The following KIAA0586 variants were observed in gnomAD, a reference collection of about 807,000 sequenced individuals.
The protein encoded by KIAA0586 is KIAA0586.
In KIAA0586, 144 loss-of-function variants were observed where a neutral mutation model predicts 169.8. The observed-to-expected ratio is 0.85, with a 90% confidence interval of 0.74 to 0.97. The LOEUF is 0.97. KIAA0586 is among the 50% of genes least tolerant of loss of function. The pLI, the probability that KIAA0586 is intolerant of heterozygous loss-of-function variation, is 0.00. For missense variants in KIAA0586, 1,854 were observed against 1,823.0 expected (o/e 1.02, Z -0.31); for synonymous variants, 625 against 612.4 (o/e 1.02, Z -0.30).
chr14:58,427,407 T>C (rs1566760506), upstream of KIAA0586: 2 of 568,892 alleles, frequency 3.5e-6, no homozygotes, highest in East Asian at 3.0e-5. Flanking sequence ...CCCACGTCCC[T>C]AACGGTCTTC....
intron 30 of KIAA0586, among the ~76,000 whole-genome samples, chr14:58,544,252 C>T (rs1207919405): frequency 6.6e-6 from 1 of 152,114 alleles, no homozygotes; most frequent in African/African-American, 2.4e-5. Context: ...ACCACAGTTT[C>T]TTTATCCAAT....
rs974182694 is a variant in KIAA0586, at chr14:58,550,704, C to T, written c.*2772C>T. The T allele has an allele frequency of 6.6e-6, 1 of 151,872 alleles. No homozygotes were observed. Among genetic ancestry groups the T allele is most frequent in the South Asian group, 2.1e-4 (1 of 4,802 alleles). 9.4% of individuals were successfully genotyped at this position (151,872 alleles called of 1,614,324 possible). ...AAAAAATTAGCTGGTCATGGTTGCA[C>T]ACACCTGTAGCCCCAGCTACTCAAG... On this transcript the variant is annotated 3_prime_UTR_variant, in exon 31 of 31. Transcript: ENST00000652326.
chr14:58,518,611 C>A lies in KIAA0586; in HGVS notation c.4429+5984C>A, dbSNP rs185259313. Reference sequence around the variant, plus strand: ...TAACTCAGTAAACATTAATTGAGGGCCCTCCACACTCTACGCTACTAAGCT... The same window carrying A: ...TAACTCAGTAAACATTAATTGAGGGACCTCCACACTCTACGCTACTAAGCT... On this transcript the variant is annotated intron_variant, in intron 29 of 30. Transcript: ENST00000652326. Among the ~76,000 whole-genome samples, 4 of 152,212 alleles carry A rather than the reference C, an allele frequency of 2.6e-5. No homozygotes were observed. In the South Asian group the frequency reaches 6.2e-4, roughly 24 times the overall value.
In KIAA0586 at chr14:58,428,461, G is replaced by C. The variant is rs754893103; in HGVS notation, c.197G>C (p.Arg66Pro). 2 of 1,597,900 alleles carry C rather than the reference G, an allele frequency of 1.3e-6. No individual in the cohort carries two copies. The highest frequency in any genetic ancestry group is 1.3e-5 in the African/African-American group (1 of 74,596). The part of the protein sequence containing the change: ...GTGTSLNGTS[R>P]GSSDLTSARN... ...GGGACTAGTTTGAATGGAACATCAC[G>C]TGGTATGTGATTCCATGTAGTTTTT... is the stretch of plus-strand genomic sequence containing the variant. Residue 66 changes from arginine (R) to proline (P), a missense_variant and splice_region_variant, in exon 1 of 31, where the codon CGT (arginine) becomes CCT (proline). Coordinates refer to ENST00000652326, the MANE Select transcript of KIAA0586 (RefSeq NM_001329943.3).
At chr14:58,464,907 C>T (rs1276047661) in intron 14 of KIAA0586, among the ~76,000 whole-genome samples, 2 of 152,046 alleles carry the variant, frequency 1.3e-5, no homozygotes, top group Non-Finnish European at 2.9e-5. Flanking sequence ...GAACAGCGTA[C>T]ATTGTAAAAC....
chr14:58,507,671 G>A (rs1045476008), intron 27 of KIAA0586, among the ~76,000 whole-genome samples: 27 of 152,094 alleles, frequency 1.8e-4, no homozygotes, highest in Non-Finnish European at 1.8e-4. Flanking sequence ...ACTCATATAT[G>A]AAAGTGCTTG....
intron 5 of KIAA0586, among the ~76,000 whole-genome samples, chr14:58,443,586 G>A (rs1297766818): frequency 2.0e-5 from 3 of 152,100 alleles, no homozygotes; most frequent in Non-Finnish European, 2.9e-5. Flanking sequence ...ACCATGCCTG[G>A]CTAATTTTTT....
At chr14:58,497,396 G>A (rs1595379704) in intron 26 of KIAA0586, among the ~76,000 whole-genome samples, 1 of 148,428 alleles carries the variant, frequency 6.7e-6, no homozygotes, top group Admixed American at 6.7e-5. Flanking sequence ...GTATCACTCT[G>A]TCGCCCAGGC....
intron 29 of KIAA0586, chr14:58,537,054 G>T: frequency 7.9e-7 from 1 of 1,268,646 alleles, no homozygotes; most frequent in South Asian, 1.3e-5. Context: ...AACTTGAGAA[G>T]CAGTTTTCAA....
Position 58,442,681 on chromosome 14 carries a change from A to G in KIAA0586, c.411-25A>G, listed in dbSNP as rs764587625. The G allele has an allele frequency of 2.7e-6, 4 of 1,487,690 alleles. No individual in the cohort carries two copies. The East Asian group carries it at 9.8e-5, about 37-fold the overall frequency. 92.2% of individuals were successfully genotyped at this position (1,487,690 alleles called of 1,614,324 possible). Reference sequence around the variant, plus strand: ...TGTTTCAATGTAGTTTACTGAATACATTTTTATTGCTTTTTTATTTATAGA... The same window carrying G: ...TGTTTCAATGTAGTTTACTGAATACGTTTTTATTGCTTTTTTATTTATAGA... On this transcript the variant is annotated intron_variant, in intron 4 of 30. Transcript: ENST00000652326.
chr14:58,433,963 C>T (rs1436721911), intron 4 of KIAA0586, among the ~76,000 whole-genome samples: 1 of 152,078 alleles, frequency 6.6e-6, no homozygotes, highest in African/African-American at 2.4e-5. Context: ...CATGCCACTG[C>T]ACTCCAGCCT....
intron 26 of KIAA0586, among the ~76,000 whole-genome samples, chr14:58,493,438 G>T (rs1301413388): frequency 2.6e-5 from 4 of 152,076 alleles, no homozygotes; most frequent in African/African-American, 4.8e-5. Context: ...GATGGAGCTG[G>T]GACTAGGATT....
intron 11 of KIAA0586, 40 bp downstream of exon 11, chr14:58,458,019 T>C (rs2140847751): frequency 7.7e-7 from 1 of 1,290,944 alleles, no homozygotes; most frequent in Non-Finnish European, 1.1e-6. Flanking sequence ...TATGAGTCTG[T>C]CAGTTCCACT....
At position 58,452,921 on chromosome 14, in the gene KIAA0586, T is replaced by G. The variant is rs1297182603; in HGVS notation, c.1130-429T>G. ...TGTAGGCTACTTTGTAGGCTATAAA[T>G]TTTTTTTTTTTTTGAGATGGAGTTT... On this transcript the variant is annotated intron_variant, in intron 8 of 30. Coordinates refer to ENST00000652326, the MANE Select transcript of KIAA0586 (RefSeq NM_001329943.3). Among the ~76,000 whole-genome samples the G allele has an allele frequency of 5.7e-4, 85 of 149,456 alleles. 1 individual carries two copies. Among genetic ancestry groups the G allele is most frequent in the East Asian group, 7.8e-4 (4 of 5,120 alleles).
In KIAA0586 at chr14:58,531,723, C is replaced by G. The variant is rs142697887; in HGVS notation, c.4430-8348C>G. On this transcript the variant is annotated intron_variant, in intron 29 of 30. Transcript: ENST00000652326. Reference sequence around the variant, plus strand: ...ATTATAAATCATTCTGCTATAAAGACACATGCACACGTATATTTATTGCAG... The same window carrying G: ...ATTATAAATCATTCTGCTATAAAGAGACATGCACACGTATATTTATTGCAG... Among the ~76,000 whole-genome samples, 500 of 152,266 alleles carry G rather than the reference C, an allele frequency of 3.3e-3. 6 individuals carry two copies. The highest frequency in any genetic ancestry group is 0.012 in the African/African-American group (479 of 41,558).
chr14:58,457,904 A>G lies in KIAA0586; in HGVS notation c.1508A>G (p.Glu503Gly). The G allele has an allele frequency of 1.2e-6, 2 of 1,606,364 alleles. No homozygotes were observed. The highest frequency in any genetic ancestry group is 1.7e-6 in the Non-Finnish European group (2 of 1,175,958). ...GVQNNKKVLE[E>G]NLEAIIRAKD... ...CAAAACAATAAAAAAGTACTTGAAG[A>G]AAACCTGGAAGCTATTATTCGTGCA... The change falls in exon 11 of 31, where the codon GAA becomes GGA. Residue 503 changes from glutamate to glycine, a missense_variant. Physicochemically the swap from Glu to Gly is moderately conservative, Grantham distance 98. Transcript: ENST00000652326.
downstream of KIAA0586, among the ~76,000 whole-genome samples, chr14:58,551,629 G>A (rs2047205829): frequency 6.6e-6 from 1 of 152,124 alleles, no homozygotes; most frequent in Non-Finnish European, 1.5e-5. Flanking sequence ...AGATGTGGTG[G>A]CGTGTGCCTG....
At chr14:58,529,901 G>A (rs1297461460) in intron 29 of KIAA0586, among the ~76,000 whole-genome samples, 1 of 152,160 alleles carries the variant, frequency 6.6e-6, no homozygotes, top group Non-Finnish European at 1.5e-5. Flanking sequence ...CAAATAGGAA[G>A]GGAGGAAGTC....
intron 7 of KIAA0586, among the ~76,000 whole-genome samples, chr14:58,449,543 A>AAAC (rs1054693880): frequency 6.6e-6 from 1 of 152,174 alleles, no homozygotes; most frequent in Non-Finnish European, 1.5e-5. Context: ...ACAAAAAAAC[A>AAAC]AACAACAACA....
Sources: gnomAD v4.1 joint callset for allele counts (sites outside exome capture counted in the v4.1 genomes callset) on GRCh38, gnomAD v4.1.1 for gene constraint, MANE v1.5 for transcripts, NCBI Gene and HGNC (gene_info 2026-07-23, HGNC 2026-07-21) for gene names.